The following SPOCK3 variants were observed in gnomAD, a reference collection of about 807,000 sequenced individuals.
The protein encoded by SPOCK3 is SPARC (osteonectin), cwcv and kazal like domains proteoglycan 3.
In SPOCK3, 30 loss-of-function variants were observed where a neutral mutation model predicts 56.6. The ratio of observed to expected loss-of-function variants is 0.53; its 90% CI spans 0.40 to 0.72. The LOEUF is 0.72. SPOCK3 is among the 30% of genes least tolerant of loss of function. The pLI is 0.00. For missense variants in SPOCK3, 527 were observed against 530.0 expected (o/e 0.99, Z 0.06); for synonymous variants, 196 against 183.3 (o/e 1.07, Z -0.56).
At chr4:166,814,416 G>A (rs1476184824) in intron 6 of SPOCK3, among the ~76,000 whole-genome samples, 2 of 151,994 alleles carry the variant, frequency 1.3e-5, no homozygotes, top group East Asian at 1.9e-4. Flanking sequence ...CAGTAGACTG[G>A]GAGAGGAAGA....
At chr4:167,055,697 T>C (rs1754744450) in intron 3 of SPOCK3, among the ~76,000 whole-genome samples, 1 of 152,166 alleles carries the variant, frequency 6.6e-6, no homozygotes, top group South Asian at 2.1e-4. Context: ...GTCTCACTGA[T>C]TGCTAGCACA....
intron 7 of SPOCK3, among the ~76,000 whole-genome samples, chr4:166,756,238 GC>G (rs1279741043): frequency 7.3e-4 from 6 of 8,256 alleles, no homozygotes; most frequent in Admixed American, 2.9e-3. Context: ...AGGGTCCTAC[GC>G]CCACGGAATC....
At chr4:167,219,274 T>C (rs1232802933) in intron 2 of SPOCK3, among the ~76,000 whole-genome samples, 2 of 152,172 alleles carry the variant, frequency 1.3e-5, no homozygotes, top group African/African-American at 2.4e-5. Context: ...CTATAAATAT[T>C]GTCTTGATAT....
At chr4:166,994,884 C>CA (rs1230343655) in intron 4 of SPOCK3, among the ~76,000 whole-genome samples, 3 of 151,726 alleles carry the variant, frequency 2.0e-5, no homozygotes, top group Admixed American at 1.3e-4. Flanking sequence ...GTATATTCAG[C>CA]AAAAAAAGAA....
intron 2 of SPOCK3, among the ~76,000 whole-genome samples, chr4:167,227,961 G>GA (rs1736764678): frequency 1.3e-5 from 2 of 152,170 alleles, no homozygotes; most frequent in African/African-American, 4.8e-5. Context: ...GTAAGAAACA[G>GA]AAAAGCACAC....
intron 2 of SPOCK3, among the ~76,000 whole-genome samples, chr4:167,185,639 C>T (rs1419761135): frequency 5.3e-5 from 8 of 152,128 alleles, no homozygotes; most frequent in East Asian, 1.9e-4. Context: ...ATACAGTCGT[C>T]GGTGAAGTCA....
intron 6 of SPOCK3, among the ~76,000 whole-genome samples, chr4:166,851,692 G>T (rs62353212): frequency 0.073 from 11,083 of 152,122 alleles, 537 homozygotes; most frequent in Non-Finnish European, 0.1. Flanking sequence ...CTTTTACACT[G>T]TTGGTGGGAC....
intron 2 of SPOCK3, among the ~76,000 whole-genome samples, chr4:167,079,146 T>C (rs568752059): frequency 2.0e-5 from 3 of 152,068 alleles, no homozygotes; most frequent in Admixed American, 1.3e-4. Context: ...AAAGATACTG[T>C]CAAATATAAG....
At chr4:167,185,723 G>T (rs1438238887) in intron 2 of SPOCK3, among the ~76,000 whole-genome samples, 1 of 152,182 alleles carries the variant, frequency 6.6e-6, no homozygotes, top group Non-Finnish European at 1.5e-5. Context: ...AATAGTGTGG[G>T]AGGGGCATTC....
chr4:166,949,159 A>T (rs202150471), intron 4 of SPOCK3, among the ~76,000 whole-genome samples: 1 of 152,012 alleles, frequency 6.6e-6, no homozygotes, highest in East Asian at 1.9e-4. Context: ...TCTGCATTCT[A>T]CACGTAGTTC....
chr4:167,178,803 G>A (rs894075571), intron 2 of SPOCK3, among the ~76,000 whole-genome samples: 12 of 151,942 alleles, frequency 7.9e-5, no homozygotes, highest in Non-Finnish European at 1.8e-4. Context: ...AAAAGATGAT[G>A]TAAATACAAA....
At chr4:167,205,343 ATATATATAATATATATAT>A (rs1734040031) in intron 2 of SPOCK3, among the ~76,000 whole-genome samples, 1 of 32,544 alleles carries the variant, frequency 3.1e-5, no homozygotes, top group African/African-American at 1.7e-4. Context: ...ATTATATATT[ATATATATAATATATATAT>A]TATATATTTT....
intron 2 of SPOCK3, among the ~76,000 whole-genome samples, chr4:167,092,128 G>A (rs1348751639): frequency 6.6e-6 from 1 of 152,044 alleles, no homozygotes; most frequent in Non-Finnish European, 1.5e-5. Context: ...GACAGTGGGT[G>A]CAGCACACAG....
intron 5 of SPOCK3, among the ~76,000 whole-genome samples, chr4:166,898,603 C>A (rs1735666225): frequency 6.6e-6 from 1 of 152,114 alleles, no homozygotes; most frequent in Non-Finnish European, 1.5e-5. Context: ...TCAATGCATG[C>A]TATTCTTACT....
At chr4:166,853,735 A>G (rs1484222088) in intron 6 of SPOCK3, among the ~76,000 whole-genome samples, 1 of 152,088 alleles carries the variant, frequency 6.6e-6, no homozygotes, top group Non-Finnish European at 1.5e-5. Context: ...ATACTAAACT[A>G]GCTGGGCATG....
At chr4:166,885,466 C>CT (rs11460441) in intron 6 of SPOCK3, among the ~76,000 whole-genome samples, 109,369 of 151,708 alleles carry the variant, frequency 0.72, 39,700 homozygotes, top group South Asian at 0.79. Context: ...AATTCCAAAG[C>CT]TTCATGTCTG....
intron 4 of SPOCK3, among the ~76,000 whole-genome samples, chr4:166,982,101 C>T (rs747499257): frequency 2.6e-5 from 4 of 152,126 alleles, no homozygotes; most frequent in Non-Finnish European, 5.9e-5. Flanking sequence ...AGCGCTCCCG[C>T]CCTGCTGAAC....
At chr4:167,221,103 T>C (rs1735866289) in intron 2 of SPOCK3, among the ~76,000 whole-genome samples, 1 of 151,954 alleles carries the variant, frequency 6.6e-6, no homozygotes, top group Admixed American at 6.6e-5. Flanking sequence ...GACACACCTG[T>C]AACGCCAACA....
At chr4:166,982,020 G>A (rs557253670) in intron 4 of SPOCK3, among the ~76,000 whole-genome samples, 1 of 152,330 alleles carries the variant, frequency 6.6e-6, no homozygotes, top group South Asian at 2.1e-4. Flanking sequence ...GGGGGATCCT[G>A]GGTCCCCAGA....
Sources: gnomAD v4.1 joint callset for allele counts (sites outside exome capture counted in the v4.1 genomes callset) on GRCh38, gnomAD v4.1.1 for gene constraint, MANE v1.5 for transcripts, NCBI Gene and HGNC (gene_info 2026-07-23, HGNC 2026-07-21) for gene names.